The following DMD variants were observed in gnomAD, a reference collection of about 807,000 sequenced individuals.
DMD encodes dystrophin, also known as mutant dystrophin.
A neutral mutation model predicts 330.1 loss-of-function variants in DMD; 63 were observed. The observed-to-expected ratio is 0.19, with a 90% CI of 0.16 to 0.24. DMD has a LOEUF of 0.24. Ranked by LOEUF, DMD falls within the 10% of genes least tolerant of loss-of-function variation. The pLI is 1.00. For missense variants in DMD, 3,344 were observed against 2,684.1 expected (o/e 1.25, Z -5.43); for synonymous variants, 1,223 against 959.8 (o/e 1.27, Z -5.07).
rs182285227 is a variant in DMD, at chrX:31,556,105, C to T, written c.8218-48652G>A. Among the ~76,000 whole-genome samples, 225 of 110,534 alleles carry T rather than the reference C, an allele frequency of 2.0e-3. 2 individuals carry two copies. Among genetic ancestry groups the T allele is most frequent in the African/African-American group, 6.9e-3 (211 of 30,406 alleles). On this transcript the variant is annotated intron_variant, in intron 55 of 78. Transcript: ENST00000357033. Reference sequence around the variant, plus strand: ...ATAATTGGCCGGGCGCAGTGGCTCACGCCTGTAATCCCAGCACTTTGGGAG... The same window carrying T: ...ATAATTGGCCGGGCGCAGTGGCTCATGCCTGTAATCCCAGCACTTTGGGAG...
rs773825987 is a variant in DMD, at chrX:32,796,577, A to G, written c.649+12916T>C. On this transcript the variant is annotated intron_variant, in intron 7 of 78. Transcript: ENST00000357033. Reference sequence around the variant, plus strand: ...ACTAGAGTTAGCAACAATATGATGTACATTTCAAAGTAGATGAGAGAACTC... The same window carrying G: ...ACTAGAGTTAGCAACAATATGATGTGCATTTCAAAGTAGATGAGAGAACTC... Among the ~76,000 whole-genome samples, 18 of 111,795 alleles carry G rather than the reference A, an allele frequency of 1.6e-4. 1 individual carries two copies. Among genetic ancestry groups the G allele is most frequent in the Middle Eastern group, 4.7e-3 (1 of 215 alleles).
In DMD at chrX:33,329,557, T is replaced by C. The variant is rs775078493; in HGVS notation, c.7+9702A>G. On this transcript the variant is annotated intron_variant, in intron 1 of 17. Coordinates refer to the DMD transcript ENST00000288447. ...AGTAAATTATAGGACATTTATATGA[T>C]GGCATACTACACAACACTGAAAATT... 4.1e-4 allele frequency among the ~76,000 whole-genome samples: 46 copies of C among 112,179 alleles called. No individual in the cohort carries two copies. In the South Asian group the frequency reaches 0.017, roughly 40 times the overall value.
intron 7 of DMD, among the ~76,000 whole-genome samples, chrX:32,751,695 C>T (rs1002452746): frequency 8.9e-6 from 1 of 112,244 alleles, no homozygotes; most frequent in Non-Finnish European, 1.9e-5. Context: ...AAAATGTCTC[C>T]AGGGCACGTC....
intron 1 of DMD, among the ~76,000 whole-genome samples, chrX:33,292,632 C>G (rs1036064024): frequency 1.2e-4 from 13 of 108,822 alleles, no homozygotes; most frequent in African/African-American, 4.3e-4. Flanking sequence ...GACAGTGGAC[C>G]ACATTGTATA....
intron 1 of DMD, among the ~76,000 whole-genome samples, chrX:33,249,977 AT>A (rs1476005684): frequency 1.9e-5 from 2 of 105,359 alleles, no homozygotes; most frequent in African/African-American, 7.0e-5. Context: ...TGTTGGATTT[AT>A]TTTTTTCTTT....
At chrX:33,214,969 C>A (rs1260730398), upstream of DMD, among the ~76,000 whole-genome samples, 3 of 112,279 alleles carry the variant, frequency 2.7e-5, no homozygotes, top group East Asian at 2.8e-4. Context: ...TAAAAAGAAG[C>A]ACATTTAAAA....
At chrX:31,539,922 T>C (rs750599086) in intron 55 of DMD, among the ~76,000 whole-genome samples, 8 of 111,511 alleles carry the variant, frequency 7.2e-5, no homozygotes, top group Non-Finnish European at 1.1e-4. Flanking sequence ...TGAACAATGA[T>C]GTGAGTGTTT....
chrX:33,338,862 C>A (rs998152880), intron 1 of DMD, among the ~76,000 whole-genome samples: 1 of 111,714 alleles, frequency 9.0e-6, no homozygotes, highest in African/African-American at 3.3e-5. Context: ...TCTCATTTCT[C>A]TCACTGTCTG....
intron 78 of DMD, among the ~76,000 whole-genome samples, chrX:31,122,267 A>G (rs989059786): frequency 3.6e-5 from 4 of 112,313 alleles, no homozygotes; most frequent in African/African-American, 1.3e-4. Flanking sequence ...TTTCTATCAG[A>G]ACAGGAATAT....
At chrX:32,600,279 T>C (rs137937423) in intron 12 of DMD, among the ~76,000 whole-genome samples, 168 of 111,602 alleles carry the variant, frequency 1.5e-3, no homozygotes, top group African/African-American at 5.3e-3. Flanking sequence ...ACTTAGGAAA[T>C]AAAGACATGG....
At chrX:32,734,148 A>G (rs1412811645) in intron 7 of DMD, among the ~76,000 whole-genome samples, 2 of 109,143 alleles carry the variant, frequency 1.8e-5, no homozygotes, top group Admixed American at 2.0e-4. Flanking sequence ...CTACGCAAAT[A>G]AACTAGAAAA....
rs535873009 is a variant in DMD at position 32,985,043 on chromosome X, A to G, written c.93+35096T>C. 4.5e-5 allele frequency among the ~76,000 whole-genome samples: 5 copies of G among 112,337 alleles called. No individual in the cohort carries two copies. In the South Asian group the frequency reaches 1.8e-3, roughly 41 times the overall value. On this transcript the variant is annotated intron_variant, in intron 2 of 78. Coordinates refer to ENST00000357033, the MANE Select transcript of DMD (RefSeq NM_004006.3). ...ACCCATAGGGCAACTAATTCTGAAAACGGGTGATAAGTGAATAAAGGAAGT... is the reference window on the plus strand; with the variant it reads ...ACCCATAGGGCAACTAATTCTGAAAGCGGGTGATAAGTGAATAAAGGAAGT...
intron 9 of DMD, among the ~76,000 whole-genome samples, chrX:32,651,770 T>G (rs1229189403): frequency 1.8e-5 from 2 of 111,978 alleles, no homozygotes; most frequent in African/African-American, 6.5e-5. Flanking sequence ...ATACACCTAC[T>G]ACGTAGCCAC....
At chrX:32,746,212 T>G (rs1007004619) in intron 7 of DMD, among the ~76,000 whole-genome samples, 1 of 112,209 alleles carries the variant, frequency 8.9e-6, no homozygotes, top group African/African-American at 3.2e-5. Flanking sequence ...AGAATTCCAT[T>G]CCTAACCTGG....
intron 41 of DMD, 75 bp from the exon 42 acceptor site, chrX:32,310,351 G>A (rs751289736): frequency 4.8e-6 from 4 of 834,023 alleles, no homozygotes; most frequent in Admixed American, 2.5e-5. Flanking sequence ...GTTTATATAG[G>A]TCTCATTCTA....
At position 33,079,275 on chromosome X, in the gene DMD, G is replaced by A. The variant is rs758093681; in HGVS notation, c.32-59075C>T. Reference sequence around the variant, plus strand: ...GATCTGCCCACCTCGGCCTCCTAACGTGCTGGGATTACAGGCATGAGCCAC... The same window carrying A: ...GATCTGCCCACCTCGGCCTCCTAACATGCTGGGATTACAGGCATGAGCCAC... On this transcript the variant is annotated intron_variant, in intron 1 of 78. Transcript: ENST00000357033. Among the ~76,000 whole-genome samples the A allele has an allele frequency of 6.3e-5, 7 of 111,458 alleles. No individual in the cohort carries two copies. In the East Asian group the frequency reaches 1.4e-3, roughly 23 times the overall value.
intron 9 of DMD, among the ~76,000 whole-genome samples, chrX:32,663,211 GAGAAATAAGGGAATC>G (rs1569421696): frequency 9.0e-6 from 1 of 111,414 alleles, no homozygotes; most frequent in African/African-American, 3.3e-5. Flanking sequence ...TTGCCTTGAG[GAGAAATAAGGGAATC>G]AGAAAATTAA....
intron 30 of DMD, among the ~76,000 whole-genome samples, chrX:32,408,876 CTAT>C (rs2098130046): frequency 9.6e-6 from 1 of 103,959 alleles, no homozygotes; most frequent in Non-Finnish European, 2.0e-5. Flanking sequence ...ATCTATCTAT[CTAT>C]CTATCTATCT....
intron 11 of DMD, among the ~76,000 whole-genome samples, chrX:32,636,927 G>T (rs2059137061): frequency 9.1e-6 from 1 of 110,048 alleles, no homozygotes; most frequent in African/African-American, 3.3e-5. Flanking sequence ...GAACCCGGGG[G>T]GCGGAGCTTG....
Sources: allele counts gnomAD v4.1 joint callset (sites outside exome capture counted in the v4.1 genomes callset), GRCh38; gene constraint gnomAD v4.1.1; transcripts MANE v1.5; gene names NCBI Gene and HGNC (gene_info 2026-07-23, HGNC 2026-07-21).